SUSD1: variants seen among roughly 807,000 people sequenced by gnomAD.
SUSD1 encodes sushi domain containing 1, also known as sushi domain-containing protein 1.
In SUSD1, 65 loss-of-function variants were observed where a neutral mutation model predicts 86.9. The observed-to-expected ratio is 0.75, with a 90% CI of 0.61 to 0.92. SUSD1 has a LOEUF of 0.92. SUSD1 is among the 40% of genes least tolerant of loss of function. The probability of loss-of-function intolerance (pLI) is 0.00; values close to 1 mark genes in which losing one functional copy is unlikely to be tolerated. For synonymous variants in SUSD1, 346 were observed against 350.0 expected (o/e 0.99, Z 0.13); for missense variants, 850 against 929.7 (o/e 0.91, Z 1.11).
Position 112,111,610 on chromosome 9 carries a change from G to T in SUSD1, c.1171+44C>A, listed in dbSNP as rs374112462. 6.8e-5 allele frequency: 109 copies of T among 1,594,314 alleles called. 2 individuals are homozygous for T. The African/African-American group carries it at 1.4e-3, about 21-fold the overall frequency. ...TGCAGCATACTTCCCCACATTCTGT[G>T]CTTAGCATTTTCTAGGAGGAAATGA... On this transcript the variant is annotated intron_variant, in intron 8 of 16. Coordinates refer to ENST00000374270, the MANE Select transcript of SUSD1 (RefSeq NM_022486.5).
chr9:112,159,674 G>C lies in SUSD1; in HGVS notation c.104-2061C>G, dbSNP rs529340634. On this transcript the variant is annotated intron_variant, in intron 1 of 16. Coordinates refer to ENST00000374270, the MANE Select transcript of SUSD1 (RefSeq NM_022486.5). ...TCTCCTAAATAATTCTTAGGACAAAGGGAATATCAAAATTGAAATGTTTAA... is the reference window on the plus strand; with the variant it reads ...TCTCCTAAATAATTCTTAGGACAAACGGAATATCAAAATTGAAATGTTTAA... Among the ~76,000 whole-genome samples the C allele has an allele frequency of 4.6e-5, 7 of 152,220 alleles. No individual in the cohort carries two copies. The East Asian group carries it at 1.4e-3, about 29-fold the overall frequency.
At chr9:112,128,648 C>G (rs1227887958) in intron 5 of SUSD1, among the ~76,000 whole-genome samples, 1 of 152,078 alleles carries the variant, frequency 6.6e-6, no homozygotes, top group Non-Finnish European at 1.5e-5. Flanking sequence ...CCCAGAAACA[C>G]TTTTTAAATA....
At chr9:112,094,796 T>C (rs1315797400) in intron 10 of SUSD1, among the ~76,000 whole-genome samples, 1 of 152,220 alleles carries the variant, frequency 6.6e-6, no homozygotes. Context: ...GAACTCTTCG[T>C]TTCTTCCTTA....
chr9:112,173,857 A>T, intron 1 of SUSD1: 1 of 294,120 alleles, frequency 3.4e-6, no homozygotes, highest in South Asian at 3.7e-5. Flanking sequence ...TTTGTCAGGA[A>T]CTTGGGGTCC....
At chr9:112,088,091 C>T (rs1047918555) in intron 10 of SUSD1, among the ~76,000 whole-genome samples, 2 of 152,172 alleles carry the variant, frequency 1.3e-5, no homozygotes, top group South Asian at 4.1e-4. Flanking sequence ...GACACTCAAA[C>T]CAAGAAAGTG....
intron 2 of SUSD1, among the ~76,000 whole-genome samples, chr9:112,155,093 A>G (rs960137183): frequency 1.3e-5 from 2 of 152,084 alleles, no homozygotes; most frequent in Non-Finnish European, 2.9e-5. Context: ...TCTACTAAAA[A>G]TACAAAAATT....
At position 112,102,183 on chromosome 9, in the gene SUSD1, A is replaced by G. The variant is rs1412163346; in HGVS notation, c.1274T>C (p.Met425Thr). The G allele has an allele frequency of 6.3e-7, 1 of 1,579,206 alleles. No individual in the cohort carries two copies. Residue 425 changes from methionine (M) to threonine (T), a missense_variant, in exon 9 of 17, where the codon ATG becomes ACG. By Grantham distance (81) the Met-to-Thr change is moderately conservative. Coordinates refer to ENST00000374270, the MANE Select transcript of SUSD1 (RefSeq NM_022486.5). ...RRSRKVGSEH[M>T]YQFTVLGQRW... ...CATAAGAGATCTCCTTACTTGGTAC[A>G]TGTGTTCTGATCCAACTTTCCTAGA...
intron 9 of SUSD1, among the ~76,000 whole-genome samples, chr9:112,100,565 C>T (rs1306294892): frequency 1.3e-5 from 2 of 152,102 alleles, no homozygotes; most frequent in African/African-American, 4.8e-5. Context: ...TGGCAAGTAG[C>T]TCACACCTGT....
chr9:112,124,405 C>T lies in SUSD1; in HGVS notation c.738G>A (p.Arg246=). The change falls in exon 6 of 17, where the codon CGG becomes CGA. Residue 246 remains arginine (R), a synonymous_variant. Coordinates refer to ENST00000374270, the MANE Select transcript of SUSD1 (RefSeq NM_022486.5). ...EINCGNPPEM[R]HAILVGNHSS... is the part of the protein sequence containing the mutation. ...TGTGATTTCCTACCAAGATGGCGTGCCGCATTTCTGGAGGGTTGCCACAGT... is the reference window on the plus strand; with the variant it reads ...TGTGATTTCCTACCAAGATGGCGTGTCGCATTTCTGGAGGGTTGCCACAGT... 1.2e-6 allele frequency: 2 copies of T among 1,614,040 alleles called. No individual in the cohort carries two copies. The highest frequency in any genetic ancestry group is 1.7e-6 in the Non-Finnish European group (2 of 1,179,926).
intron 15 of SUSD1, among the ~76,000 whole-genome samples, chr9:112,049,150 C>T (rs760866092): frequency 7.9e-5 from 12 of 152,114 alleles, no homozygotes; most frequent in Non-Finnish European, 1.8e-4. Flanking sequence ...GGTAGGAAGG[C>T]CTATGCTCAG....
chr9:112,053,313 G>A (rs1211644142), intron 14 of SUSD1, among the ~76,000 whole-genome samples: 2 of 151,774 alleles, frequency 1.3e-5, no homozygotes, highest in South Asian at 2.1e-4. Context: ...TCAGGGGTTC[G>A]AGACCAGCCT....
At chr9:112,138,683 C>G (rs963254896) in intron 5 of SUSD1, among the ~76,000 whole-genome samples, 1 of 152,060 alleles carries the variant, frequency 6.6e-6, no homozygotes, top group Non-Finnish European at 1.5e-5. Context: ...CTCCTGACCT[C>G]GTGATCAGCC....
intron 7 of SUSD1, 102 bp downstream of exon 7, chr9:112,112,669 G>A: frequency 1.4e-6 from 1 of 730,908 alleles, no homozygotes. Context: ...AAAAAAAACA[G>A]CAATTAGATT....
At chr9:112,125,026 T>G (rs933375977) in intron 5 of SUSD1, among the ~76,000 whole-genome samples, 10 of 152,266 alleles carry the variant, frequency 6.6e-5, no homozygotes, top group East Asian at 1.9e-4. Flanking sequence ...AGGTAAAAGA[T>G]TATGACATAA....
intron 14 of SUSD1, among the ~76,000 whole-genome samples, chr9:112,054,179 T>C (rs1828345623): frequency 6.6e-6 from 1 of 152,140 alleles, no homozygotes; most frequent in Non-Finnish European, 1.5e-5. Context: ...GGTAGTGACA[T>C]AAAGACAGAC....
At chr9:112,073,819 G>A (rs539957830) in intron 12 of SUSD1, among the ~76,000 whole-genome samples, 1 of 152,096 alleles carries the variant, frequency 6.6e-6, no homozygotes, top group South Asian at 2.1e-4. Flanking sequence ...CTTGAACCTG[G>A]GAGGCAGAGG....
At chr9:112,080,985 A>C (rs1160269348) in intron 10 of SUSD1, among the ~76,000 whole-genome samples, 1 of 152,206 alleles carries the variant, frequency 6.6e-6, no homozygotes, top group Non-Finnish European at 1.5e-5. Context: ...GAGCAAAGAA[A>C]TATTTCTTGT....
At chr9:112,127,927 C>CGAG (rs1831849882) in intron 5 of SUSD1, among the ~76,000 whole-genome samples, 1 of 151,796 alleles carries the variant, frequency 6.6e-6, no homozygotes, top group Non-Finnish European at 1.5e-5. Context: ...CTCTGCCTCC[C>CGAG]GAGGAGCTGG....
At chr9:112,109,715 A>C (rs1186457502) in intron 8 of SUSD1, among the ~76,000 whole-genome samples, 1 of 152,232 alleles carries the variant, frequency 6.6e-6, no homozygotes, top group African/African-American at 2.4e-5. Flanking sequence ...GCAACCTGTC[A>C]TCCTCACTGA....
Sources: allele counts gnomAD v4.1 joint callset (sites outside exome capture counted in the v4.1 genomes callset), GRCh38; gene constraint gnomAD v4.1.1; transcripts MANE v1.5; gene names NCBI Gene and HGNC (gene_info 2026-07-23, HGNC 2026-07-21).